Variants in PRKCI observed in about 807,000 individuals in gnomAD.
PRKCI encodes protein kinase C iota, also known as protein kinase C iota type.
A neutral mutation model predicts 84.0 loss-of-function variants in PRKCI; 43 were observed. That is an observed-to-expected ratio of 0.51 (90% CI 0.40 to 0.66). The LOEUF is 0.66. Among genes scored for constraint, PRKCI ranks in the 30% least tolerant of loss-of-function variants. PRKCI has a pLI of 0.00. For missense variants in PRKCI, 459 were observed against 745.6 expected (o/e 0.62, Z 4.48); for synonymous variants, 216 against 234.4 (o/e 0.92, Z 0.72).
intron 1 of PRKCI, among the ~76,000 whole-genome samples, chr3:170,234,432 C>T (rs756462363): frequency 1.1e-4 from 17 of 152,104 alleles, no homozygotes; most frequent in African/African-American, 3.9e-4. Flanking sequence ...ATGAAAAAGC[C>T]TTGTTGTTTA....
chr3:170,239,538 C>T (rs79631987), intron 2 of PRKCI, among the ~76,000 whole-genome samples: 2,979 of 152,182 alleles, frequency 0.02, 45 homozygotes, highest in East Asian at 0.085. Flanking sequence ...TTTTATTAGA[C>T]GTACTTAGTT....
At chr3:170,253,372 A>G (rs1177454159) in intron 2 of PRKCI, among the ~76,000 whole-genome samples, 1 of 152,222 alleles carries the variant, frequency 6.6e-6, no homozygotes, top group East Asian at 1.9e-4. Flanking sequence ...TCTTTTGGAT[A>G]AAAACCATTT....
At chr3:170,266,958 A>T (rs948626487) in intron 4 of PRKCI, among the ~76,000 whole-genome samples, 1 of 152,118 alleles carries the variant, frequency 6.6e-6, no homozygotes, top group African/African-American at 2.4e-5. Flanking sequence ...GCACCACTGG[A>T]CTCCAGCCTG....
chr3:170,295,889 A>G, intron 14 of PRKCI, 22 bp from the exon 15 acceptor site: 1 of 1,396,524 alleles, frequency 7.2e-7, no homozygotes, highest in Non-Finnish European at 9.9e-7. Context: ...TAAATATAAT[A>G]CTATAATTTT....
At chr3:170,295,101 A>G (rs986415951) in intron 14 of PRKCI, among the ~76,000 whole-genome samples, 5 of 151,360 alleles carry the variant, frequency 3.3e-5, no homozygotes, top group African/African-American at 1.2e-4. Flanking sequence ...AATCCTAACT[A>G]CTCAGGAGGC....
At position 170,303,421 on chromosome 3, in the gene PRKCI, A is replaced by G. The variant is rs551843301; in HGVS notation, c.*294A>G. 3.0e-5 allele frequency: 8 copies of G among 263,158 alleles called. No homozygotes were observed. Among genetic ancestry groups the G allele is most frequent in the African/African-American group, 1.7e-4 (8 of 45,982 alleles). The allele number at this position is 263,158 out of a possible 1,614,324, so 16.3% of individuals were successfully genotyped here. ...TCTTTTTTGTTTAAAAAAAAAAAAA[A>G]CACTGCATTAAAAAAGTATCTGTTG... On this transcript the variant is annotated 3_prime_UTR_variant, in exon 18 of 18. Transcript: ENST00000295797.
intron 17 of PRKCI, among the ~76,000 whole-genome samples, chr3:170,299,844 A>G (rs1203749171): frequency 6.6e-6 from 1 of 152,184 alleles, no homozygotes; most frequent in Non-Finnish European, 1.5e-5. Flanking sequence ...GTTCCTGAGT[A>G]TTGCCTTAAG....
At chr3:170,253,951 G>A (rs1443798990) in intron 2 of PRKCI, among the ~76,000 whole-genome samples, 1 of 151,930 alleles carries the variant, frequency 6.6e-6, no homozygotes, top group Non-Finnish European at 1.5e-5. Context: ...ACAAAAATTA[G>A]CTGGGCATGG....
chr3:170,222,607 C>G lies in PRKCI; in HGVS notation c.-63C>G, dbSNP rs1214604750. On this transcript the variant is annotated 5_prime_UTR_variant, in exon 1 of 18. Transcript: ENST00000295797. Reference sequence around the variant, plus strand: ...GGCAAGCGCAGGCGGCGGAGTCCCCCACGGCGCCCGAAGCGCCCCCCCGCA... The same window carrying G: ...GGCAAGCGCAGGCGGCGGAGTCCCCGACGGCGCCCGAAGCGCCCCCCCGCA... The G allele has an allele frequency of 7.1e-7, 1 of 1,410,012 alleles. No homozygotes were observed. Among genetic ancestry groups the G allele is most frequent in the African/African-American group, 1.5e-5 (1 of 67,314 alleles). 87.3% of individuals were successfully genotyped at this position (1,410,012 alleles called of 1,614,324 possible).
At chr3:170,290,203 T>TGAAA in intron 12 of PRKCI, among the ~76,000 whole-genome samples, 1 of 152,220 alleles carries the variant, frequency 6.6e-6, no homozygotes, top group Non-Finnish European at 1.5e-5. Context: ...CATATAGTTG[T>TGAAA]TAATATTAGA....
chr3:170,280,696 G>A (rs1734221932), intron 9 of PRKCI, among the ~76,000 whole-genome samples: 1 of 152,048 alleles, frequency 6.6e-6, no homozygotes, highest in African/African-American at 2.4e-5. Flanking sequence ...TGATCCACCC[G>A]CCTCAGCCTC....
intron 8 of PRKCI, 63 bp downstream of exon 8, chr3:170,275,350 A>C: frequency 6.7e-7 from 1 of 1,490,826 alleles, no homozygotes; most frequent in Non-Finnish European, 9.0e-7. Context: ...CAGGAGTTTA[A>C]AAGTATGACA....
At chr3:170,239,322 AAT>A (rs1056808731) in intron 2 of PRKCI, among the ~76,000 whole-genome samples, 101 of 152,358 alleles carry the variant, frequency 6.6e-4, no homozygotes, top group African/African-American at 2.3e-3. Flanking sequence ...ACTATCTCAC[AAT>A]ATGTCTTCAG....
At chr3:170,245,958 T>TTTGTTTGTTTGTTTGTTTG (rs1733271695) in intron 2 of PRKCI, among the ~76,000 whole-genome samples, 2 of 111,616 alleles carry the variant, frequency 1.8e-5, no homozygotes, top group East Asian at 2.1e-4. Context: ...TGTTTTTTTT[T>TTTGTTTGTTTGTTTGTTTG]TTTTTTTTTT....
intron 12 of PRKCI, among the ~76,000 whole-genome samples, chr3:170,289,950 G>C (rs936972435): frequency 6.6e-6 from 1 of 151,978 alleles, no homozygotes; most frequent in Non-Finnish European, 1.5e-5. Flanking sequence ...GCATGCACCT[G>C]TAATCCCAGC....
intron 17 of PRKCI, 147 bp downstream of exon 17, chr3:170,299,257 C>T (rs1056602629): frequency 2.5e-5 from 10 of 399,972 alleles, no homozygotes; most frequent in African/African-American, 1.5e-4. Flanking sequence ...GATGGAGTCT[C>T]GCTCTGTTGC....
At chr3:170,271,458 A>G (rs1440587879) in intron 6 of PRKCI, among the ~76,000 whole-genome samples, 1 of 152,238 alleles carries the variant, frequency 6.6e-6, no homozygotes, top group Non-Finnish European at 1.5e-5. Flanking sequence ...TCTCATAAAT[A>G]TTATAATTTT....
chr3:170,268,479 C>CAAA (rs77046182), intron 5 of PRKCI, among the ~76,000 whole-genome samples: 4,028 of 66,582 alleles, frequency 0.06, 243 homozygotes, highest in African/African-American at 0.18. Flanking sequence ...GACTCAGTTT[C>CAAA]AAAAAAAAAA....
intron 2 of PRKCI, among the ~76,000 whole-genome samples, chr3:170,258,525 C>T (rs960993515): frequency 1.1e-4 from 17 of 151,922 alleles, no homozygotes; most frequent in African/African-American, 3.9e-4. Flanking sequence ...AGGCTGGTCT[C>T]GAACTCCTGA....
Sources: gnomAD v4.1 joint callset for allele counts (sites outside exome capture counted in the v4.1 genomes callset) on GRCh38, gnomAD v4.1.1 for gene constraint, MANE v1.5 for transcripts, NCBI Gene and HGNC (gene_info 2026-07-23, HGNC 2026-07-21) for gene names.